Variants in PRKD1 observed in about 807,000 individuals in gnomAD.
PRKD1 encodes the protein protein kinase D1.
A neutral mutation model predicts 95.9 loss-of-function variants in PRKD1; 63 were observed. That is an observed-to-expected ratio of 0.66 (90% CI 0.54 to 0.81). The LOEUF (loss-of-function observed/expected upper bound fraction) is 0.81. Among genes scored for constraint, PRKD1 ranks in the 30% least tolerant of loss-of-function variants. PRKD1 has a pLI of 0.00. For synonymous variants in PRKD1, 425 were observed against 423.1 expected, an observed-to-expected ratio of 1.00 and a Z score of -0.05; for missense variants, 1,048 against 1,165.3, an observed-to-expected ratio of 0.90 and a Z score of 1.47.
At chr14:29,722,857 A>G (rs1432511204) in intron 2 of PRKD1, among the ~76,000 whole-genome samples, 1 of 152,232 alleles carries the variant, frequency 6.6e-6, no homozygotes, top group Non-Finnish European at 1.5e-5. Flanking sequence ...CATGAATATA[A>G]TAAGTCGCAT....
At chr14:29,715,695 T>C (rs1885572687) in intron 2 of PRKD1, among the ~76,000 whole-genome samples, 1 of 152,184 alleles carries the variant, frequency 6.6e-6, no homozygotes, top group South Asian at 2.1e-4. Flanking sequence ...ACCTCTTTAT[T>C]AAAGTGAGCC....
Position 29,578,370 on chromosome 14 carries a change from A to C in PRKD1, c.2435-10T>G. 1.9e-6 allele frequency: 3 copies of C among 1,590,000 alleles called. No homozygotes were observed. Among genetic ancestry groups the C allele is most frequent in the Non-Finnish European group, 2.6e-6 (3 of 1,162,376 alleles). On this transcript the variant is annotated splice_polypyrimidine_tract_variant and intron_variant, in intron 16 of 17. Transcript: ENST00000331968. Reference sequence around the variant, plus strand: ...TTGATAAGATCAATGGCTGAAAAAAATTACCAGTAAAAATAGATGACAAAT... The same window carrying C: ...TTGATAAGATCAATGGCTGAAAAAACTTACCAGTAAAAATAGATGACAAAT...
At chr14:29,923,429 G>T (rs1237854847) in intron 1 of PRKD1, among the ~76,000 whole-genome samples, 2 of 152,050 alleles carry the variant, frequency 1.3e-5, no homozygotes, top group Admixed American at 1.3e-4. Flanking sequence ...ATTACTTTCG[G>T]CTTTCTCAAT....
At chr14:29,597,098 T>C (rs554959796) in intron 16 of PRKD1, among the ~76,000 whole-genome samples, 1 of 152,286 alleles carries the variant, frequency 6.6e-6, no homozygotes, top group African/African-American at 2.4e-5. Flanking sequence ...TATACTAACA[T>C]ATGTTATATG....
At chr14:29,682,500 C>A (rs932280781) in intron 2 of PRKD1, among the ~76,000 whole-genome samples, 4 of 152,130 alleles carry the variant, frequency 2.6e-5, no homozygotes, top group African/African-American at 9.7e-5. Context: ...ACCAGACTAA[C>A]CTTCCCCGAA....
chr14:29,787,341 CCG>C (rs1889322447), intron 1 of PRKD1, among the ~76,000 whole-genome samples: 1 of 147,862 alleles, frequency 6.8e-6, no homozygotes, highest in Non-Finnish European at 1.5e-5. Flanking sequence ...TCTGTTAGAT[CCG>C]TTTGGTTTAT....
intron 16 of PRKD1, among the ~76,000 whole-genome samples, chr14:29,585,940 G>C (rs528217938): frequency 1.2e-4 from 19 of 152,348 alleles, no homozygotes; most frequent in African/African-American, 4.6e-4. Flanking sequence ...AGTTGAGCAT[G>C]ACTGTGCTAA....
intron 1 of PRKD1, among the ~76,000 whole-genome samples, chr14:29,861,668 T>C (rs1167583687): frequency 1.3e-5 from 2 of 152,188 alleles, no homozygotes; most frequent in Admixed American, 6.5e-5. Flanking sequence ...TTTTGTTTTT[T>C]CTGAGATGGA....
intron 1 of PRKD1, among the ~76,000 whole-genome samples, chr14:29,860,877 C>A (rs1470544879): frequency 6.6e-6 from 1 of 152,118 alleles, no homozygotes; most frequent in Non-Finnish European, 1.5e-5. Flanking sequence ...CCAGGAGCAA[C>A]TGACATTCCA....
intron 4 of PRKD1, among the ~76,000 whole-genome samples, chr14:29,646,519 T>G (rs901399111): frequency 2.1e-5 from 3 of 143,858 alleles, no homozygotes; most frequent in African/African-American, 8.3e-5. Flanking sequence ...ATGCCTACTA[T>G]GTACTCACAA....
At chr14:29,885,054 C>T (rs1362781737) in intron 1 of PRKD1, among the ~76,000 whole-genome samples, 1 of 148,396 alleles carries the variant, frequency 6.7e-6, no homozygotes, top group Non-Finnish European at 1.5e-5. Flanking sequence ...ACCCGGGAGG[C>T]GGAGCTTGCA....
At chr14:29,832,935 C>T (rs968020080) in intron 1 of PRKD1, among the ~76,000 whole-genome samples, 13 of 151,920 alleles carry the variant, frequency 8.6e-5, no homozygotes, top group African/African-American at 2.4e-4. Flanking sequence ...GTATATGCAG[C>T]CTTCTTTCTC....
intron 2 of PRKD1, among the ~76,000 whole-genome samples, chr14:29,691,398 A>T (rs1330495201): frequency 6.6e-6 from 1 of 152,210 alleles, no homozygotes; most frequent in Non-Finnish European, 1.5e-5. Flanking sequence ...TAGGTATTTT[A>T]AAAAGTTCCC....
At chr14:29,598,769 G>A (rs1893405370) in intron 15 of PRKD1, among the ~76,000 whole-genome samples, 1 of 152,190 alleles carries the variant, frequency 6.6e-6, no homozygotes, top group African/African-American at 2.4e-5. Context: ...GGACTCTCAA[G>A]TGTTGTCACT....
chr14:29,725,767 A>G (rs967311220), intron 1 of PRKD1, 93 bp from the exon 2 acceptor site: 1 of 1,337,712 alleles, frequency 7.5e-7, no homozygotes, highest in Non-Finnish European at 1.0e-6. Context: ...AGCTAATTAG[A>G]AAAGTTCAAA....
chr14:29,644,807 T>C (rs1280522996), intron 4 of PRKD1, among the ~76,000 whole-genome samples: 1 of 152,098 alleles, frequency 6.6e-6, no homozygotes, highest in Non-Finnish European at 1.5e-5. Context: ...CAACTATTTA[T>C]ACATTTTATA....
At chr14:29,636,726 C>T (rs1880408759) in intron 6 of PRKD1, among the ~76,000 whole-genome samples, 1 of 152,060 alleles carries the variant, frequency 6.6e-6, no homozygotes, top group South Asian at 2.1e-4. Flanking sequence ...TTTCATCACC[C>T]AGGTATTAAG....
Position 29,684,120 on chromosome 14 carries a change from TC to T in PRKD1, c.404-17913del, listed in dbSNP as rs2139276523. Among the ~76,000 whole-genome samples the T allele has an allele frequency of 2.0e-5, 3 of 151,626 alleles. No individual in the cohort carries two copies. In the South Asian group the frequency reaches 6.2e-4, roughly 31 times the overall value. ...TTTCCAGGAAGTCTCCCTAGACTCT[TC>T]CAGTATTTTTTCTTTAGAATGGTTT... On this transcript the variant is annotated intron_variant, in intron 2 of 17. Transcript: ENST00000331968.
intron 3 of PRKD1, among the ~76,000 whole-genome samples, chr14:29,665,535 C>A (rs900113255): frequency 3.3e-5 from 5 of 152,130 alleles, no homozygotes; most frequent in African/African-American, 1.2e-4. Context: ...CCAGTTCTAT[C>A]CAAGTTGCTG....
Sources: allele counts gnomAD v4.1 joint callset (sites outside exome capture counted in the v4.1 genomes callset), GRCh38; gene constraint gnomAD v4.1.1; transcripts MANE v1.5; gene names NCBI Gene and HGNC (gene_info 2026-07-23, HGNC 2026-07-21).